TSC22D1: variants seen among roughly 807,000 people sequenced by gnomAD.
The protein encoded by TSC22D1 is TSC22 domain family protein 1.
TSC22D1 carries 9 observed loss-of-function variants against 74.2 expected under a neutral mutation model. That is an observed-to-expected ratio of 0.12 (90% CI 0.07 to 0.21). TSC22D1 has a LOEUF of 0.21. Among genes scored for constraint, TSC22D1 ranks in the 10% least tolerant of loss-of-function variants. The pLI is 1.00. For synonymous variants in TSC22D1, 586 were observed against 492.5 expected (o/e 1.19, Z -2.51); for missense variants, 1,427 against 1,304.7 (o/e 1.09, Z -1.44).
chr13:44,547,746 T>C (rs537913153), intron 1 of TSC22D1, among the ~76,000 whole-genome samples: 1 of 152,316 alleles, frequency 6.6e-6, no homozygotes, highest in South Asian at 2.1e-4. Flanking sequence ...ATTTTTAACT[T>C]ACTGAGAGCT....
At chr13:44,557,965 C>G (rs1260434511) in intron 1 of TSC22D1, among the ~76,000 whole-genome samples, 1 of 152,076 alleles carries the variant, frequency 6.6e-6, no homozygotes, top group African/African-American at 2.4e-5. Flanking sequence ...AATTTAACCA[C>G]TGGGGTAGAA....
At chr13:44,451,458 T>G (rs1402540573) in intron 1 of TSC22D1, 2 of 151,812 alleles carry the variant, frequency 1.3e-5, no homozygotes, top group African/African-American at 4.8e-5. Flanking sequence ...GATTCTGACA[T>G]GAGAGTCAAA....
At chr13:44,476,587 T>C (rs1471704447) in intron 1 of TSC22D1, among the ~76,000 whole-genome samples, 2 of 152,232 alleles carry the variant, frequency 1.3e-5, no homozygotes, top group Non-Finnish European at 2.9e-5. Flanking sequence ...TTAAAAATCA[T>C]AGACAATTAT....
intron 1 of TSC22D1, among the ~76,000 whole-genome samples, chr13:44,465,297 C>T (rs962315147): frequency 6.6e-6 from 1 of 152,130 alleles, no homozygotes; most frequent in Non-Finnish European, 1.5e-5. Context: ...TTTGTCTTTA[C>T]CCCCGAAGAC....
chr13:44,461,532 T>G (rs1876997162), intron 1 of TSC22D1, among the ~76,000 whole-genome samples: 2 of 152,148 alleles, frequency 1.3e-5, no homozygotes, highest in African/African-American at 4.8e-5. Context: ...TTCTCCTAAA[T>G]TAAATCATCA....
rs1199341674 is a variant in TSC22D1 at position 44,433,159 on chromosome 13, G to C, written c.*1467C>G. The C allele has an allele frequency of 1.3e-5, 2 of 152,056 alleles. No homozygotes were observed. Among genetic ancestry groups the C allele is most frequent in the Admixed American group, 6.6e-5 (1 of 15,262 alleles). The allele number at this position is 152,056 out of a possible 1,614,324, so 9.4% of individuals were successfully genotyped here. ...TTATTCCAATTATACACAGAATAAG[G>C]CTCCTTCTTCCTCTCAGTTCAGTAA... On this transcript the variant is annotated 3_prime_UTR_variant, in exon 3 of 3. Transcript: ENST00000458659.
rs61749000 is a variant in TSC22D1, at chr13:44,575,814, G to T, written c.261C>A (p.Leu87=). 1.2e-6 allele frequency: 2 copies of T among 1,614,170 alleles called. No homozygotes were observed. The highest frequency in any genetic ancestry group is 3.3e-5 in the Admixed American group (2 of 60,032). The change falls in exon 1 of 3, where the codon CTC becomes CTA. Residue 87 remains leucine (L), a synonymous_variant. Coordinates refer to ENST00000458659, the MANE Select transcript of TSC22D1 (RefSeq NM_183422.4). ...PQPPPPQSLN[L]LSQAQLQAQP... ...GTGCCTGCAGCTGAGCCTGCGAAAG[G>T]AGGTTCAGGCTTTGTGGAGGCGGAG...
chr13:44,461,456 A>G (rs557590064), intron 1 of TSC22D1, among the ~76,000 whole-genome samples: 1 of 152,348 alleles, frequency 6.6e-6, no homozygotes, highest in South Asian at 2.1e-4. Context: ...CCAGGAAAGC[A>G]TAAGAGAAGG....
At chr13:44,559,693 CTTTTT>C (rs36114777) in intron 1 of TSC22D1, among the ~76,000 whole-genome samples, 14 of 140,212 alleles carry the variant, frequency 1.0e-4, no homozygotes, top group African/African-American at 3.7e-4. Context: ...CCAAAAATTT[CTTTTT>C]TTTTTTTTTT....
At chr13:44,568,642 C>G (rs1369155288) in intron 1 of TSC22D1, among the ~76,000 whole-genome samples, 2 of 152,188 alleles carry the variant, frequency 1.3e-5, no homozygotes, top group Admixed American at 6.5e-5. Context: ...CAGCCCCACA[C>G]TGCAAATCTC....
At chr13:44,544,835 A>G (rs1233339161) in intron 1 of TSC22D1, among the ~76,000 whole-genome samples, 1 of 152,212 alleles carries the variant, frequency 6.6e-6, no homozygotes, top group Non-Finnish European at 1.5e-5. Context: ...CAACCAACAG[A>G]TAACCCAAAT....
At chr13:44,527,072 C>T (rs1040661357) in intron 1 of TSC22D1, among the ~76,000 whole-genome samples, 3 of 151,874 alleles carry the variant, frequency 2.0e-5, no homozygotes, top group Non-Finnish European at 4.4e-5. Context: ...AAACTAGCAA[C>T]CTACAATTCT....
chr13:44,524,805 T>G (rs1015473322), intron 1 of TSC22D1, among the ~76,000 whole-genome samples: 3 of 152,194 alleles, frequency 2.0e-5, no homozygotes, highest in Middle Eastern at 3.2e-3. Flanking sequence ...TCCCAAGTGC[T>G]GGGATTACAG....
At chr13:44,500,740 A>G (rs1488549790) in intron 1 of TSC22D1, among the ~76,000 whole-genome samples, 1 of 152,198 alleles carries the variant, frequency 6.6e-6, no homozygotes, top group Non-Finnish European at 1.5e-5. Flanking sequence ...GCTGGAGTGC[A>G]GTGGCGCAAT....
chr13:44,484,047 C>T (rs1304375099), intron 1 of TSC22D1, among the ~76,000 whole-genome samples: 1 of 152,066 alleles, frequency 6.6e-6, no homozygotes, highest in Non-Finnish European at 1.5e-5. Flanking sequence ...ATCTTATACA[C>T]GAATCTTGGC....
intron 1 of TSC22D1, among the ~76,000 whole-genome samples, chr13:44,551,401 T>G (rs111495343): frequency 0.021 from 2,654 of 127,082 alleles, 57 homozygotes; most frequent in South Asian, 0.036. Flanking sequence ...TGTGTGTGTG[T>G]GTGTGTGTGT....
chr13:44,435,671 C>T (rs1032946216), intron 2 of TSC22D1: 13 of 279,800 alleles, frequency 4.6e-5, no homozygotes, highest in African/African-American at 2.3e-4. Context: ...CCCCACCTCC[C>T]GGCTCCCTAG....
At chr13:44,546,274 T>C (rs2065837) in intron 1 of TSC22D1, among the ~76,000 whole-genome samples, 151,459 of 152,290 alleles carry the variant, frequency 0.99, 75,329 homozygotes, top group East Asian at 1. Flanking sequence ...TCCCAAGACA[T>C]GTGTTAATTA....
At chr13:44,437,673 A>G (rs118156371) in intron 1 of TSC22D1, among the ~76,000 whole-genome samples, 2 of 152,078 alleles carry the variant, frequency 1.3e-5, no homozygotes, top group Non-Finnish European at 2.9e-5. Context: ...ATTCCACATA[A>G]ATCTATTTTT....
Sources: gnomAD v4.1 joint callset for allele counts (sites outside exome capture counted in the v4.1 genomes callset) on GRCh38, gnomAD v4.1.1 for gene constraint, MANE v1.5 for transcripts, NCBI Gene and HGNC (gene_info 2026-07-23, HGNC 2026-07-21) for gene names.